TCF4: variants seen among roughly 807,000 people sequenced by gnomAD.
The protein encoded by TCF4 is transcription factor 4, also known as SL3-3 enhancer factor 2.
TCF4 carries 3 observed loss-of-function variants against 82.1 expected under a neutral mutation model. The observed-to-expected ratio is 0.04, with a 90% CI of 0.02 to 0.09. The LOEUF (loss-of-function observed/expected upper bound fraction) is 0.09. TCF4 is among the 10% of genes least tolerant of loss of function. The pLI, the probability that TCF4 is intolerant of heterozygous loss-of-function variation, is 1.00. For synonymous variants in TCF4, 276 were observed against 309.6 expected (o/e 0.89, Z 1.14); for missense variants, 518 against 852.7 (o/e 0.61, Z 4.89).
At chr18:55,298,624 G>C (rs2067209676) in intron 8 of TCF4, among the ~76,000 whole-genome samples, 1 of 152,196 alleles carries the variant, frequency 6.6e-6, no homozygotes, top group African/African-American at 2.4e-5. Flanking sequence ...ACTGAATGAT[G>C]ATTTAAGGGT....
intron 8 of TCF4, chr18:55,320,796 A>G (rs935995500): frequency 7.2e-5 from 11 of 152,468 alleles, no homozygotes; most frequent in African/African-American, 2.7e-4. Context: ...TTGCTCCTCT[A>G]TCACCCAACA....
At chr18:55,228,802 C>T (rs750360698) in intron 18 of TCF4, 45 bp downstream of exon 18, 18 of 1,606,550 alleles carry the variant, frequency 1.1e-5, no homozygotes, top group Admixed American at 1.7e-5. Context: ...TTGTGCCTGC[C>T]ACAAGCTCCT....
chr18:55,279,832 C>T (rs564947600), intron 8 of TCF4, among the ~76,000 whole-genome samples, 176 bp from the exon 9 acceptor site: 8 of 152,256 alleles, frequency 5.3e-5, no homozygotes, highest in African/African-American at 1.2e-4. Context: ...CACAACAAAA[C>T]GAAACAAAAG....
chr18:55,579,846 A>T (rs2097560160), intron 3 of TCF4, among the ~76,000 whole-genome samples: 1 of 152,068 alleles, frequency 6.6e-6, no homozygotes, highest in African/African-American at 2.4e-5. Context: ...TTATCATAGC[A>T]GATGAAAGCA....
At chr18:55,559,951 T>C (rs1386765849) in intron 3 of TCF4, among the ~76,000 whole-genome samples, 4 of 152,170 alleles carry the variant, frequency 2.6e-5, no homozygotes, top group Non-Finnish European at 4.4e-5. Flanking sequence ...GGGGCCTTGA[T>C]TCAAAACACA....
At chr18:55,635,155 A>G (rs1163767186) in intron 1 of TCF4, among the ~76,000 whole-genome samples, 1 of 152,192 alleles carries the variant, frequency 6.6e-6, no homozygotes, top group Admixed American at 6.5e-5. Context: ...GAAAGGAGAC[A>G]GAGGAGCAGT....
chr18:55,228,717 T>C, intron 18 of TCF4, 130 bp downstream of exon 18: 1 of 988,666 alleles, frequency 1.0e-6, no homozygotes, highest in Non-Finnish European at 1.5e-6. Context: ...CAGTCTGCAA[T>C]GGAAACAATT....
intron 3 of TCF4, among the ~76,000 whole-genome samples, chr18:55,538,828 C>A (rs934638705): frequency 6.6e-6 from 1 of 151,930 alleles, no homozygotes; most frequent in Non-Finnish European, 1.5e-5. Context: ...ATTTTACAGG[C>A]GAAAATGAAA....
chr18:55,507,431 T>G (rs575409354), intron 3 of TCF4, among the ~76,000 whole-genome samples: 28 of 152,280 alleles, frequency 1.8e-4, no homozygotes, highest in African/African-American at 6.7e-4. Flanking sequence ...ACAGTGCAGA[T>G]TTCATCAAAT....
intron 3 of TCF4, among the ~76,000 whole-genome samples, chr18:55,475,864 G>A (rs535768651): frequency 6.6e-6 from 1 of 152,260 alleles, no homozygotes; most frequent in South Asian, 2.1e-4. Context: ...GGTGGGAGTG[G>A]GGAGGGCAGG....
intron 5 of TCF4, among the ~76,000 whole-genome samples, chr18:55,431,251 C>T (rs1261639573): frequency 6.6e-6 from 1 of 152,100 alleles, no homozygotes; most frequent in African/African-American, 2.4e-5. Flanking sequence ...TTTGTGGAAC[C>T]CCTACATCCC....
intron 3 of TCF4, among the ~76,000 whole-genome samples, chr18:55,537,124 ACTC>A (rs1179665942): frequency 1.4e-5 from 2 of 141,258 alleles, no homozygotes; most frequent in Non-Finnish European, 3.0e-5. Context: ...ACAGAGCGAG[ACTC>A]CGTCTCGGAA....
chr18:55,586,861 A>C lies in TCF4; in HGVS notation c.72+184T>G, dbSNP rs572197266. ...AACTCAAAAAAAAAAAAAAGCCTGA[A>C]TCTTCCATCACACCACAAAATTATA... On this transcript the variant is annotated intron_variant, in intron 2 of 19. Coordinates refer to ENST00000354452, the MANE Select transcript of TCF4 (RefSeq NM_001083962.2). 7 of 565,344 alleles carry C rather than the reference A, an allele frequency of 1.2e-5. No homozygotes were observed. The East Asian group carries it at 1.9e-4, about 15-fold the overall frequency. The allele number at this position is 565,344 out of a possible 1,614,324, so 35.0% of individuals were successfully genotyped here. A position where few individuals can be genotyped will look rare whatever the true frequency, so the allele number is the denominator to read the frequency against.
chr18:55,399,925 C>CACACACACA (rs1379193667), intron 6 of TCF4, among the ~76,000 whole-genome samples: 2 of 126,680 alleles, frequency 1.6e-5, no homozygotes, highest in African/African-American at 6.2e-5. Flanking sequence ...CACACACACA[C>CACACACACA]AATACTAAAA....
At chr18:55,274,916 A>G (rs1322883118) in intron 10 of TCF4, among the ~76,000 whole-genome samples, 1 of 152,166 alleles carries the variant, frequency 6.6e-6, no homozygotes, top group Admixed American at 6.6e-5. Flanking sequence ...AAAGAGACAT[A>G]CTATGATAGA....
chr18:55,254,744 G>C (rs749008494), intron 14 of TCF4, 44 bp from the exon 15 acceptor site: 1 of 1,551,582 alleles, frequency 6.4e-7, no homozygotes, highest in South Asian at 1.2e-5. Context: ...AGTTCAAAAG[G>C]GGTGCCTAAA....
At position 55,460,981 on chromosome 18, in the gene TCF4, C is replaced by T. The variant is rs564834477; in HGVS notation, c.304+38G>A. 3.8e-6 allele frequency: 6 copies of T among 1,568,794 alleles called. No homozygotes were observed. The African/African-American group carries it at 8.1e-5, about 21-fold the overall frequency. On this transcript the variant is annotated intron_variant, in intron 5 of 19. Coordinates refer to ENST00000354452, the MANE Select transcript of TCF4 (RefSeq NM_001083962.2). ...TTTACCTTCTATAGTAAAACTTGAG[C>T]ATTCAAAAAGTGTAAGTTAATTTAA...
chr18:55,364,634 C>T (rs2086352515), intron 6 of TCF4, among the ~76,000 whole-genome samples: 1 of 152,166 alleles, frequency 6.6e-6, no homozygotes, highest in Admixed American at 6.5e-5. Context: ...TTGTTTACTG[C>T]AGGATAAAGA....
rs74182107 is a variant in TCF4, at chr18:55,617,811, C to CTGTGTGTGTGTG, written c.286+13475_286+13486dup. ...ACTTTAGTGAATTCATTAATTCTAA[C>CTGTGTGTGTGTG]TGTGTGTGTGTGTGTGTGTGTGTGT... On this transcript the variant is annotated intron_variant, in intron 2 of 20. Coordinates refer to the TCF4 transcript ENST00000398339. 2.4e-3 allele frequency among the ~76,000 whole-genome samples: 338 copies of CTGTGTGTGTGTG among 140,668 alleles called. 1 individual carries two copies. Among genetic ancestry groups the CTGTGTGTGTGTG allele is most frequent in the African/African-American group, 4.6e-3 (173 of 37,844 alleles). The allele number at this position is 140,668 out of a possible 152,430, so 92.3% of individuals were successfully genotyped here.
Sources: gnomAD v4.1 joint callset for allele counts (sites outside exome capture counted in the v4.1 genomes callset) on GRCh38, gnomAD v4.1.1 for gene constraint, MANE v1.5 for transcripts, NCBI Gene and HGNC (gene_info 2026-07-23, HGNC 2026-07-21) for gene names.